Variants in GPD2 observed in about 807,000 individuals in gnomAD.
GPD2 encodes glycerol-3-phosphate dehydrogenase, mitochondrial.
GPD2 carries 54 observed loss-of-function variants against 82.4 expected under a neutral mutation model. That is an observed-to-expected ratio of 0.66 (90% CI 0.53 to 0.82). The LOEUF is 0.82. Among genes scored for constraint, GPD2 ranks in the 40% least tolerant of loss-of-function variants. The pLI, the probability that GPD2 is intolerant of heterozygous loss-of-function variation, is 0.00. For synonymous variants in GPD2, 288 were observed against 306.1 expected (o/e 0.94, Z 0.62); for missense variants, 748 against 896.2 (o/e 0.83, Z 2.11).
upstream of GPD2, among the ~76,000 whole-genome samples, chr2:156,432,718 AAC>A (rs568687368): frequency 7.7e-4 from 117 of 152,338 alleles, no homozygotes; most frequent in African/African-American, 2.8e-3. Context: ...TCTACTATAC[AAC>A]AGTTTCCTAT....
Position 156,449,781 on chromosome 2 carries a change from C to T in GPD2, c.-9+13268C>T, listed in dbSNP as rs372118637. Reference sequence around the variant, plus strand: ...ATCCCAGCACTTTGGGAGGCTGAGGCGGGTGAATCACATGAGGCCAGGAGT... The same window carrying T: ...ATCCCAGCACTTTGGGAGGCTGAGGTGGGTGAATCACATGAGGCCAGGAGT... On this transcript the variant is annotated intron_variant, in intron 1 of 16. Coordinates refer to ENST00000438166, the MANE Select transcript of GPD2 (RefSeq NM_000408.5). Among the ~76,000 whole-genome samples, 42 of 148,058 alleles carry T rather than the reference C, an allele frequency of 2.8e-4. No homozygotes were observed. In the East Asian group the frequency reaches 7.8e-3, roughly 27 times the overall value.
At chr2:156,418,186 G>A in the GPD2 span, among the ~76,000 whole-genome samples, 1 of 151,750 alleles carries the variant, frequency 6.6e-6, no homozygotes, top group Non-Finnish European at 1.5e-5. Context: ...CTGCACTCTA[G>A]CCTAAGTGAC....
At chr2:156,442,885 ACT>A (rs1682225555) in intron 1 of GPD2, among the ~76,000 whole-genome samples, 1 of 151,930 alleles carries the variant, frequency 6.6e-6, no homozygotes, top group Non-Finnish European at 1.5e-5. Flanking sequence ...TGATCATGTC[ACT>A]CTCTCTGCTC....
At chr2:156,582,713 C>A in intron 16 of GPD2, 80 bp from the exon 17 acceptor site, 2 of 1,465,022 alleles carry the variant, frequency 1.4e-6, no homozygotes, top group Non-Finnish European at 1.9e-6. Context: ...CTGTCTGCTG[C>A]AATTCTAACG....
chr2:156,542,806 A>G (rs1370793974), intron 6 of GPD2, among the ~76,000 whole-genome samples: 1 of 152,150 alleles, frequency 6.6e-6, no homozygotes, highest in Non-Finnish European at 1.5e-5. Flanking sequence ...CCTGTCCAAA[A>G]TATAGCCCCT....
At chr2:156,556,878 A>T (rs184688211) in intron 8 of GPD2, among the ~76,000 whole-genome samples, 1 of 152,208 alleles carries the variant, frequency 6.6e-6, no homozygotes, top group Non-Finnish European at 1.5e-5. Flanking sequence ...TTGTGATTAC[A>T]TTTTAGTTTC....
intron 3 of GPD2, 53 bp from the exon 4 acceptor site, chr2:156,510,743 T>A: frequency 6.7e-7 from 1 of 1,485,300 alleles, no homozygotes; most frequent in Middle Eastern, 1.8e-4. Context: ...CTTTAATGAA[T>A]TACATACAAA....
At chr2:156,512,371 AAC>A (rs1685034143) in intron 5 of GPD2, 54 bp downstream of exon 5, 1 of 856,022 alleles carries the variant, frequency 1.2e-6, no homozygotes, top group African/African-American at 1.6e-5. Context: ...TCAATAGAAC[AAC>A]AGTTTTAATG....
chr2:156,513,566 C>A, intron 6 of GPD2, 70 bp downstream of exon 6: 1 of 1,202,458 alleles, frequency 8.3e-7, no homozygotes, highest in Non-Finnish European at 1.2e-6. Context: ...ATAGTGTATT[C>A]TTAAGGAGAT....
chr2:156,494,644 G>A (rs1226682241), intron 2 of GPD2, among the ~76,000 whole-genome samples: 1 of 152,164 alleles, frequency 6.6e-6, no homozygotes, highest in Non-Finnish European at 1.5e-5. Flanking sequence ...TAACGCCTGA[G>A]ATTACCTCCT....
At chr2:156,461,179 T>C (rs901522240) in intron 1 of GPD2, among the ~76,000 whole-genome samples, 3 of 86,352 alleles carry the variant, frequency 3.5e-5, no homozygotes, top group Non-Finnish European at 7.1e-5. Flanking sequence ...TTTTTTTTTT[T>C]TTTTTTTGAG....
intron 1 of GPD2, among the ~76,000 whole-genome samples, chr2:156,451,419 G>T (rs1682569889): frequency 7.3e-6 from 1 of 137,652 alleles, no homozygotes; most frequent in East Asian, 2.4e-4. Context: ...AGGGCGGGGG[G>T]CTGACCCCCC....
At chr2:156,416,658 C>T in the GPD2 span, among the ~76,000 whole-genome samples, 10 of 151,798 alleles carry the variant, frequency 6.6e-5, no homozygotes, top group Non-Finnish European at 1.5e-4. Context: ...CTTTGTCCAC[C>T]TTTTAAATAT....
chr2:156,510,943 A>G, intron 4 of GPD2, 23 bp downstream of exon 4: 1 of 1,611,208 alleles, frequency 6.2e-7, no homozygotes. Flanking sequence ...GCTGGTTGTT[A>G]AACAAAAATT....
intron 2 of GPD2, among the ~76,000 whole-genome samples, chr2:156,488,219 A>G (rs534726849): frequency 4.4e-4 from 67 of 152,206 alleles, no homozygotes; most frequent in African/African-American, 1.5e-3. Flanking sequence ...TAAGTGCAGG[A>G]AAAAAAATGT....
intron 4 of GPD2, 95 bp downstream of exon 4, chr2:156,511,015 A>G (rs1684979386): frequency 2.8e-6 from 3 of 1,052,928 alleles, no homozygotes; most frequent in Non-Finnish European, 3.0e-6. Context: ...GCTTAAAAGC[A>G]TTTCTTCCTG....
intron 9 of GPD2, among the ~76,000 whole-genome samples, chr2:156,561,844 G>C (rs926223541): frequency 2.6e-5 from 4 of 152,150 alleles, no homozygotes; most frequent in African/African-American, 9.7e-5. Flanking sequence ...GCTATTCACA[G>C]CAGCTGCCAC....
At position 156,476,185 on chromosome 2, in the gene GPD2, T is replaced by G. The variant is rs1683505245; in HGVS notation, c.80T>G (p.Phe27Cys). The change falls in exon 2 of 17, where the codon TTT (phenylalanine) becomes TGT (cysteine). Residue 27 changes from phenylalanine to cysteine, a missense_variant. By Grantham distance (205) the Phe-to-Cys change is radical. This residue lies in a region of GPD2 where 692 missense variants were observed against 809.7 expected (regional missense o/e 0.85). Coordinates refer to ENST00000438166, the MANE Select transcript of GPD2 (RefSeq NM_000408.5). ...ALATVLGLSQ[F>C]AHYRRKQMNL... ...GCAACTGTTTTAGGACTTTCTCAGT[T>G]TGCTCATTACAGAAGGAAACAAGTA... 4 of 1,600,492 alleles carry G rather than the reference T, an allele frequency of 2.5e-6. No individual in the cohort carries two copies. In the Admixed American group the frequency reaches 6.7e-5, roughly 27 times the overall value.
intron 9 of GPD2, among the ~76,000 whole-genome samples, chr2:156,558,325 T>C (rs1417041544): frequency 6.6e-6 from 1 of 152,176 alleles, no homozygotes; most frequent in East Asian, 1.9e-4. Flanking sequence ...AATGCCTATC[T>C]ATGCTTATTC....
Sources: allele counts gnomAD v4.1 joint callset (sites outside exome capture counted in the v4.1 genomes callset), GRCh38; gene constraint gnomAD v4.1.1; regional missense constraint gnomAD v4.1.1; transcripts MANE v1.5; gene names NCBI Gene and HGNC (gene_info 2026-07-23, HGNC 2026-07-21).